POLR1B: variants seen among roughly 807,000 people sequenced by gnomAD.
POLR1B encodes RNA polymerase I subunit B.
Under a neutral mutation model 105.8 loss-of-function variants are expected in POLR1B, and 30 were observed. That is an observed-to-expected ratio of 0.28 (90% CI 0.21 to 0.38). The LOEUF (loss-of-function observed/expected upper bound fraction) is 0.38, where lower values mean the gene tolerates loss of function less well. Among genes scored for constraint, POLR1B ranks in the 10% least tolerant of loss-of-function variants. POLR1B has a pLI of 1.00. For missense variants in POLR1B, 976 were observed against 1,435.8 expected, an observed-to-expected ratio of 0.68 and a Z score of 5.17; for synonymous variants, 485 against 505.1, an observed-to-expected ratio of 0.96 and a Z score of 0.53.
intron 5 of POLR1B, 63 bp from the exon 6 acceptor site, chr2:112,551,712 T>C: frequency 7.6e-7 from 1 of 1,307,378 alleles, no homozygotes; most frequent in Non-Finnish European, 1.1e-6. Context: ...AGATAATTAT[T>C]AGTGAATAGA....
chr2:112,548,990 G>T (rs71414676), intron 3 of POLR1B, among the ~76,000 whole-genome samples: 2,870 of 152,272 alleles, frequency 0.019, 47 homozygotes, highest in Non-Finnish European at 0.028. Flanking sequence ...TTAGGGGACA[G>T]AAAGGCAAGA....
At position 112,550,909 on chromosome 2, in the gene POLR1B, T is replaced by C; in HGVS notation, c.669T>C (p.Asn223=). 1 of 1,614,006 alleles carries C rather than the reference T, an allele frequency of 6.2e-7. No individual in the cohort carries two copies. The highest frequency in any genetic ancestry group is 8.5e-7 in the Non-Finnish European group (1 of 1,179,864). The part of the protein sequence containing the change: ...HCVREEHSAV[N]MNLHYLENGT... ...TGAGGGAAGAACATTCCGCTGTCAATATGAACCTCCACTACTTGGAAAATG... is the reference window on the plus strand; with the variant it reads ...TGAGGGAAGAACATTCCGCTGTCAACATGAACCTCCACTACTTGGAAAATG... Residue 223 remains asparagine (N), a synonymous_variant, in exon 5 of 15, where the codon AAT becomes AAC. Transcript: ENST00000263331.
At chr2:112,563,412 AAAAGATTTCTCT>A (rs959619843) in intron 9 of POLR1B, among the ~76,000 whole-genome samples, 1 of 152,180 alleles carries the variant, frequency 6.6e-6, no homozygotes, top group African/African-American at 2.4e-5. Context: ...TTCCTTTCAC[AAAAGATTTCTCT>A]GTAGCATGTG....
chr2:112,550,303 T>C (rs566430653), intron 4 of POLR1B, among the ~76,000 whole-genome samples: 1 of 152,372 alleles, frequency 6.6e-6, no homozygotes, highest in East Asian at 1.9e-4. Context: ...TCTTTGACAA[T>C]GCCTAAGACA....
chr2:112,559,089 G>T (rs1390025922), intron 8 of POLR1B, among the ~76,000 whole-genome samples: 1 of 151,984 alleles, frequency 6.6e-6, no homozygotes, highest in African/African-American at 2.4e-5. Context: ...AACTAGTTGG[G>T]GCTAATACAG....
At chr2:112,556,256 A>G (rs202034962) in intron 7 of POLR1B, among the ~76,000 whole-genome samples, 1 of 111,414 alleles carries the variant, frequency 9.0e-6, no homozygotes, top group East Asian at 4.2e-4. Flanking sequence ...GATAAAGTCC[A>G]AACCTACATT....
chr2:112,542,479 G>C lies in POLR1B; in HGVS notation c.-16G>C, dbSNP rs755913318. The C allele has an allele frequency of 6.2e-7, 1 of 1,613,592 alleles. No homozygotes were observed. Among genetic ancestry groups the C allele is most frequent in the Non-Finnish European group, 8.5e-7 (1 of 1,180,010 alleles). ...GCGTGTACCGAGAGACTGGCGTCCG[G>C]TGTGCAGGTGGCCACATGGATCCTG... is the stretch of plus-strand genomic sequence containing the variant. On this transcript the variant is annotated 5_prime_UTR_variant, in exon 1 of 15. Coordinates refer to ENST00000263331, the MANE Select transcript of POLR1B (RefSeq NM_019014.6).
chr2:112,545,406 C>T (rs1426440407), intron 1 of POLR1B, among the ~76,000 whole-genome samples: 1 of 152,092 alleles, frequency 6.6e-6, no homozygotes, highest in Non-Finnish European at 1.5e-5. Context: ...TAAACAGAAA[C>T]ACACATAATA....
At chr2:112,545,370 A>G (rs1380255224) in intron 1 of POLR1B, among the ~76,000 whole-genome samples, 1 of 152,216 alleles carries the variant, frequency 6.6e-6, no homozygotes, top group East Asian at 1.9e-4. Flanking sequence ...TACGGACTCA[A>G]TAATATGTAT....
At position 112,547,177 on chromosome 2, in the gene POLR1B, A is replaced by T. The variant is rs752766859; in HGVS notation, c.343A>T (p.Thr115Ser). The change falls in exon 2 of 15, where the codon ACA becomes TCA. Residue 115 changes from threonine to serine, a missense_variant and splice_region_variant. By Grantham distance (58) the Thr-to-Ser change is moderately conservative. Around this residue, in one of 12 missense-constraint regions of POLR1B, gnomAD observed 452 missense variants for 616.5 expected, o/e 0.73. Transcript: ENST00000263331. ...AAGGAGTACCTACCGTGGGAAGTTG[A>T]CAGTGAGTACTAGTGATACTGTGTG... ...GRRSTYRGKL[T>S]ADINWAVNGI... 6.2e-7 allele frequency: 1 copy of T among 1,614,160 alleles called. No homozygotes were observed. Among genetic ancestry groups the T allele is most frequent in the East Asian group, 2.2e-5 (1 of 44,886 alleles).
intron 10 of POLR1B, among the ~76,000 whole-genome samples, chr2:112,567,071 G>A (rs1056262209): frequency 1.3e-5 from 2 of 151,960 alleles, no homozygotes; most frequent in Admixed American, 6.6e-5. Flanking sequence ...GGAGGATGAG[G>A]ACACTTAAGA....
At position 112,562,727 on chromosome 2, in the gene POLR1B, TC is replaced by T. The variant is rs1273396533; in HGVS notation, c.1613-1638del. ...ATGGCTTGTGACAATTTCTTTTTTT[TC>T]TTTTTTTTTTTTTTTTTGCGACGGA... On this transcript the variant is annotated intron_variant, in intron 9 of 14. Transcript: ENST00000263331. 8.1e-5 allele frequency among the ~76,000 whole-genome samples: 11 copies of T among 135,566 alleles called. 1 individual carries two copies. In the East Asian group the frequency reaches 2.1e-3, roughly 26 times the overall value. The allele number at this position is 135,566 out of a possible 152,430, so 88.9% of individuals were successfully genotyped here.
chr2:112,570,692 A>G (rs1056296588), intron 12 of POLR1B, among the ~76,000 whole-genome samples: 2 of 152,158 alleles, frequency 1.3e-5, no homozygotes, highest in Non-Finnish European at 2.9e-5. Flanking sequence ...ACCATAGTAT[A>G]TATGCCATCC....
chr2:112,565,007 G>A (rs1684200485), intron 10 of POLR1B, among the ~76,000 whole-genome samples: 1 of 152,166 alleles, frequency 6.6e-6, no homozygotes, highest in Admixed American at 6.5e-5. Context: ...GCAACAGGCT[G>A]TTTGTGGTTT....
In POLR1B at chr2:112,564,565, T is replaced by G. The variant is rs767210497; in HGVS notation, c.1746+66T>G. On this transcript the variant is annotated intron_variant, in intron 10 of 14. Coordinates refer to ENST00000263331, the MANE Select transcript of POLR1B (RefSeq NM_019014.6). ...TAGGTTTTTCAGTTCCTTTCTAGTT[T>G]TGGGGTTAACCCCTGGGCGGTCTAG... 22 of 1,605,902 alleles carry G rather than the reference T, an allele frequency of 1.4e-5. No homozygotes were observed. In the South Asian group the frequency reaches 2.4e-4, roughly 18 times the overall value.
At chr2:112,548,707 G>T (rs1167116113) in intron 3 of POLR1B, among the ~76,000 whole-genome samples, 1 of 152,026 alleles carries the variant, frequency 6.6e-6, no homozygotes, top group Non-Finnish European at 1.5e-5. Flanking sequence ...CCGCCTCCTG[G>T]GTTCAAGCCA....
Position 112,568,203 on chromosome 2 carries a change from T to A in POLR1B, c.1917+66T>A, listed in dbSNP as rs553041441. On this transcript the variant is annotated intron_variant, in intron 11 of 14. Coordinates refer to ENST00000263331, the MANE Select transcript of POLR1B (RefSeq NM_019014.6). ...TGTATAGTATACAACTTTCAGAGACTTAACTCTTCCTTTTTTAAAAGGGTT... is the reference window on the plus strand; with the variant it reads ...TGTATAGTATACAACTTTCAGAGACATAACTCTTCCTTTTTTAAAAGGGTT... The A allele has an allele frequency of 4.8e-6, 7 of 1,446,354 alleles. No homozygotes were observed. The East Asian group carries it at 1.6e-4, about 33-fold the overall frequency. The allele number at this position is 1,446,354 out of a possible 1,614,324, so 89.6% of individuals were successfully genotyped here.
intron 7 of POLR1B, among the ~76,000 whole-genome samples, chr2:112,555,023 A>G (rs972378042): frequency 1.5e-4 from 23 of 152,220 alleles, no homozygotes; most frequent in Non-Finnish European, 3.1e-4. Context: ...TCTACAAAAA[A>G]TATAAAAATT....
chr2:112,576,082 C>A lies in POLR1B; in HGVS notation c.*353C>A. On this transcript the variant is annotated 3_prime_UTR_variant, in exon 15 of 15. Transcript: ENST00000263331. ...ACCTGTTAATCCATCTTGAGCAGGA[C>A]AGTACTATACAAATAGAATGCAAGC... 5.1e-6 allele frequency: 1 copy of A among 195,938 alleles called. No homozygotes were observed. The allele number at this position is 195,938 out of a possible 1,614,324, so 12.1% of individuals were successfully genotyped here. A position where few individuals can be genotyped will look rare whatever the true frequency, so the allele number is the denominator to read the frequency against.
Sources: allele counts gnomAD v4.1 joint callset (sites outside exome capture counted in the v4.1 genomes callset), GRCh38; gene constraint gnomAD v4.1.1; regional missense constraint gnomAD v4.1.1; transcripts MANE v1.5; gene names NCBI Gene and HGNC (gene_info 2026-07-23, HGNC 2026-07-21).